Variants in SLC7A8 observed in about 807,000 individuals in gnomAD.
SLC7A8 encodes the protein large neutral amino acids transporter small subunit 2.
Under a neutral mutation model 51.2 loss-of-function variants are expected in SLC7A8, and 30 were observed. That is an observed-to-expected ratio of 0.59 (90% CI 0.44 to 0.80). The LOEUF (loss-of-function observed/expected upper bound fraction) is 0.80. Ranked by LOEUF, SLC7A8 falls within the 30% of genes least tolerant of loss-of-function variation. SLC7A8 has a pLI of 0.00. For synonymous variants in SLC7A8, 257 were observed against 275.8 expected, an observed-to-expected ratio of 0.93 and a Z score of 0.67; for missense variants, 612 against 674.4, an observed-to-expected ratio of 0.91 and a Z score of 1.03.
intron 3 of SLC7A8, among the ~76,000 whole-genome samples, chr14:23,150,376 G>T (rs1462964519): frequency 1.3e-5 from 2 of 152,178 alleles, no homozygotes; most frequent in Non-Finnish European, 2.9e-5. Context: ...TGTGTAAGGT[G>T]TGAAGTGGTA....
intron 1 of SLC7A8, among the ~76,000 whole-genome samples, chr14:23,167,184 T>TA: frequency 6.6e-6 from 1 of 152,252 alleles, no homozygotes; most frequent in South Asian, 2.1e-4. Context: ...AATAACTCTA[T>TA]AAAAACAGTC....
At chr14:23,136,249 C>T (rs968682052) in intron 7 of SLC7A8, among the ~76,000 whole-genome samples, 4 of 152,184 alleles carry the variant, frequency 2.6e-5, no homozygotes, top group African/African-American at 9.7e-5. Context: ...TGCAGCCATA[C>T]ACATCCCTGT....
In SLC7A8 at chr14:23,166,357, T is replaced by A; in HGVS notation, c.335A>T (p.Asp112Val). The change falls in exon 2 of 11, where the codon GAC (aspartate) becomes GTC (valine). Residue 112 changes from aspartate (D) to valine (V), a missense_variant. Transcript: ENST00000316902. ...TTACCCAGCCAGTCCTCCGAAGATG[T>A]CCTTGACATAGGAGTAGTCACCTCC... ...KSGGDYSYVK[D>V]IFGGLAGFLR... 6.2e-7 allele frequency: 1 copy of A among 1,613,918 alleles called. No individual in the cohort carries two copies. The highest frequency in any genetic ancestry group is 8.5e-7 in the Non-Finnish European group (1 of 1,180,038).
Position 23,134,007 on chromosome 14 carries a change from G to A in SLC7A8, c.1017-2450C>T, listed in dbSNP as rs149330258. Among the ~76,000 whole-genome samples the A allele has an allele frequency of 7.9e-5, 12 of 151,756 alleles. 1 individual carries two copies. In the East Asian group the frequency reaches 2.3e-3, roughly 29 times the overall value. On this transcript the variant is annotated intron_variant, in intron 7 of 10. Transcript: ENST00000316902. Reference sequence around the variant, plus strand: ...CCAGGCTGGAGTGCAGTAGCACGATGATGGCTCACTGTAGCCTTGACCTCC... The same window carrying A: ...CCAGGCTGGAGTGCAGTAGCACGATAATGGCTCACTGTAGCCTTGACCTCC...
chr14:23,132,477 G>A (rs759918676), intron 7 of SLC7A8, among the ~76,000 whole-genome samples: 6 of 152,000 alleles, frequency 3.9e-5, no homozygotes, highest in Non-Finnish European at 8.8e-5. Flanking sequence ...AGCTACTTGG[G>A]AGGCTGAAGC....
intron 3 of SLC7A8, among the ~76,000 whole-genome samples, chr14:23,145,399 C>T (rs1392756781): frequency 4.6e-5 from 7 of 151,318 alleles, no homozygotes; most frequent in Admixed American, 6.6e-5. Flanking sequence ...GGTGGTGGCG[C>T]GCCTGTAATC....
chr14:23,182,877 TTTTCGGTGTTG>T lies in SLC7A8; in HGVS notation c.27_37del (p.Asn9LysfsTer83). The T allele has an allele frequency of 6.2e-7, 1 of 1,614,152 alleles. No individual in the cohort carries two copies. Among genetic ancestry groups the T allele is most frequent in the Non-Finnish European group, 8.5e-7 (1 of 1,180,008 alleles). On this transcript the variant is annotated frameshift_variant, in exon 1 of 11. Coordinates refer to ENST00000316902, the MANE Select transcript of SLC7A8 (RefSeq NM_012244.4). LOFTEE classifies it high-confidence loss of function. ...CGACTCGCCCCCACCTGGGTGTTTC[TTTTCGGTGTTG>T]TTTCGGTGCCTGGCTCCTTCTTCCA...
intron 7 of SLC7A8, among the ~76,000 whole-genome samples, chr14:23,133,427 C>T (rs1594818123): frequency 1.0e-5 from 1 of 100,452 alleles, no homozygotes; most frequent in Admixed American, 1.4e-4. Flanking sequence ...GGCAACAGAG[C>T]AAGAACCTGT....
intron 7 of SLC7A8, among the ~76,000 whole-genome samples, chr14:23,131,846 G>A (rs763480495): frequency 3.3e-5 from 5 of 152,304 alleles, no homozygotes; most frequent in Non-Finnish European, 5.9e-5. Context: ...TCACTCAGTG[G>A]GGTGTTCCCA....
rs762716019 is a variant in SLC7A8, at chr14:23,182,814, A to G, written c.101T>C (p.Val34Ala). Residue 34 changes from valine (V) to alanine (A), a missense_variant, in exon 1 of 11, where the codon GTA becomes GCA. Val to Ala is a moderately conservative substitution (Grantham distance 64, BLOSUM62 0). Coordinates refer to ENST00000316902, the MANE Select transcript of SLC7A8 (RefSeq NM_012244.4). The stretch of plus-strand genomic sequence containing the variant: ...CAATCCGATCTCTTTCTTCAGGGCT[A>G]CTCCGCCCCCTCCGGAACCAGCCTC... ...SPEAGSGGGGVALKKEIGLVS... is the reference protein window; with the variant it reads ...SPEAGSGGGGAALKKEIGLVS... 9.9e-6 allele frequency: 16 copies of G among 1,612,592 alleles called. No individual in the cohort carries two copies. In the South Asian group the frequency reaches 1.8e-4, roughly 18 times the overall value.
At chr14:23,181,553 T>C (rs572755810) in intron 1 of SLC7A8, among the ~76,000 whole-genome samples, 3 of 152,336 alleles carry the variant, frequency 2.0e-5, no homozygotes, top group African/African-American at 7.2e-5. Flanking sequence ...GCACTGATTT[T>C]ATTTGATTTC....
chr14:23,126,168 A>T lies in SLC7A8; in HGVS notation c.*1009T>A, dbSNP rs2048574160. On this transcript the variant is annotated 3_prime_UTR_variant, in exon 11 of 11. Coordinates refer to ENST00000316902, the MANE Select transcript of SLC7A8 (RefSeq NM_012244.4). ...GAAATAGGGGAGTATTTTTAGGCCA[A>T]GTTCTTGGATGGGAGGTGACTTAAG... is the stretch of plus-strand genomic sequence containing the variant. The T allele has an allele frequency of 6.5e-6, 1 of 152,832 alleles. No homozygotes were observed. Among genetic ancestry groups the T allele is most frequent in the African/African-American group, 2.4e-5 (1 of 41,432 alleles). 9.5% of individuals were successfully genotyped at this position (152,832 alleles called of 1,614,324 possible). A position where few individuals can be genotyped will look rare whatever the true frequency, so the allele number is the denominator to read the frequency against.
intron 3 of SLC7A8, among the ~76,000 whole-genome samples, chr14:23,162,784 T>G (rs943259291): frequency 1.3e-5 from 2 of 152,066 alleles, no homozygotes; most frequent in Non-Finnish European, 2.9e-5. Context: ...CTTGGCAGAT[T>G]TGGGGAATGC....
chr14:23,175,966 T>C (rs1033557526), intron 1 of SLC7A8, among the ~76,000 whole-genome samples: 1 of 152,248 alleles, frequency 6.6e-6, no homozygotes, highest in African/African-American at 2.4e-5. Context: ...CTAGCTGGCT[T>C]CTGTCCCAGA....
At chr14:23,172,418 T>G (rs952603764) in intron 1 of SLC7A8, among the ~76,000 whole-genome samples, 1 of 152,170 alleles carries the variant, frequency 6.6e-6, no homozygotes, top group Non-Finnish European at 1.5e-5. Context: ...ATGCTTGTTT[T>G]GGGAGGTAAT....
intron 3 of SLC7A8, among the ~76,000 whole-genome samples, chr14:23,152,037 C>CAAACA (rs532808249): frequency 6.6e-6 from 1 of 151,494 alleles, no homozygotes; most frequent in South Asian, 2.1e-4. Flanking sequence ...GATTCCACCT[C>CAAACA]AAACAAAACA....
At chr14:23,151,302 A>C (rs1256498422) in intron 3 of SLC7A8, among the ~76,000 whole-genome samples, 1 of 152,192 alleles carries the variant, frequency 6.6e-6, no homozygotes, top group Non-Finnish European at 1.5e-5. Context: ...AAATTCAAGG[A>C]GGGTGCACAT....
At chr14:23,142,288 A>G (rs537428436) in intron 4 of SLC7A8, among the ~76,000 whole-genome samples, 94 of 152,292 alleles carry the variant, frequency 6.2e-4, no homozygotes, top group African/African-American at 2.1e-3. Context: ...ATATAGCCTC[A>G]GGCTTGGAAA....
At chr14:23,147,645 T>A (rs887406040) in intron 3 of SLC7A8, among the ~76,000 whole-genome samples, 2 of 152,202 alleles carry the variant, frequency 1.3e-5, no homozygotes, top group Admixed American at 6.5e-5. Flanking sequence ...CTTGTATGTA[T>A]TTTTTGGGCA....
Sources: gnomAD v4.1 joint callset for allele counts (sites outside exome capture counted in the v4.1 genomes callset) on GRCh38, gnomAD v4.1.1 for gene constraint, MANE v1.5 for transcripts, NCBI Gene and HGNC (gene_info 2026-07-23, HGNC 2026-07-21) for gene names.